Variants in NELL1 observed in about 807,000 individuals in gnomAD.
NELL1 encodes the protein neural EGFL like 1.
In NELL1, 76 loss-of-function variants were observed where a neutral mutation model predicts 107.4. That is an observed-to-expected ratio of 0.71 (90% CI 0.59 to 0.86). The LOEUF is 0.86. NELL1 is among the 40% of genes least tolerant of loss of function. The probability of loss-of-function intolerance (pLI) is 0.00; values close to 1 mark genes in which losing one functional copy is unlikely to be tolerated. For missense variants in NELL1, 1,024 were observed against 1,005.5 expected (o/e 1.02, Z -0.25); for synonymous variants, 353 against 341.2 (o/e 1.03, Z -0.38).
At chr11:21,572,545 A>C (rs1346256458) in intron 18 of NELL1, among the ~76,000 whole-genome samples, 3 of 142,038 alleles carry the variant, frequency 2.1e-5, no homozygotes, top group Non-Finnish European at 4.4e-5. Flanking sequence ...ATGCATAGTG[A>C]AATAGTTTTA....
At chr11:21,428,445 T>C (rs142985785) in intron 15 of NELL1, among the ~76,000 whole-genome samples, 1 of 152,218 alleles carries the variant, frequency 6.6e-6, no homozygotes. Context: ...ATTGTTACTT[T>C]TATTTGAGTA....
rs180863184 is a variant in NELL1, at chr11:20,711,189, C to T, written c.184+33129C>T. Among the ~76,000 whole-genome samples, 21 of 152,200 alleles carry T rather than the reference C, an allele frequency of 1.4e-4. No individual in the cohort carries two copies. In the East Asian group the frequency reaches 3.9e-3, roughly 28 times the overall value. ...GCTATGAACTTTCCTCCTAGAACCA[C>T]TTTTGCTGTATCCCAGAGGTTTTGA... On this transcript the variant is annotated intron_variant, in intron 2 of 19. Transcript: ENST00000357134.
Position 21,371,676 on chromosome 11 carries a change from T to C in NELL1, c.1645+728T>C, listed in dbSNP as rs567727241. 2.8e-4 allele frequency among the ~76,000 whole-genome samples: 42 copies of C among 152,228 alleles called. No individual in the cohort carries two copies. In the South Asian group the frequency reaches 4.8e-3, roughly 17 times the overall value. On this transcript the variant is annotated intron_variant, in intron 15 of 19. Coordinates refer to ENST00000357134, the MANE Select transcript of NELL1 (RefSeq NM_006157.5). ...GTGAATATTTCAGTTTGTTCTTCCA[T>C]GTGTTTTGTTAGGGTAAAATCACTG...
At chr11:21,275,518 G>A in intron 14 of NELL1, among the ~76,000 whole-genome samples, 1 of 152,114 alleles carries the variant, frequency 6.6e-6, no homozygotes. Context: ...CCAATCAATA[G>A]AAAAAGAGGG....
rs1174440504 is a variant in NELL1, at chr11:21,534,501, G to A, written c.1773G>A (p.Gly591=). ...FHDDGTYSLS[G]ESCIDIDECA... ...ACGATGGGACCTATTCACTGTCCGG[G>A]GAGTCCTGTATTGGTAAGCAGCTTT... The change falls in exon 16 of 20, where the codon GGG becomes GGA. Residue 591 remains glycine, a synonymous_variant. Coordinates refer to ENST00000357134, the MANE Select transcript of NELL1 (RefSeq NM_006157.5). The A allele has an allele frequency of 1.2e-6, 2 of 1,613,736 alleles. No individual in the cohort carries two copies. The highest frequency in any genetic ancestry group is 1.7e-6 in the Non-Finnish European group (2 of 1,179,782).
chr11:21,082,360 T>C (rs1034079086), intron 12 of NELL1, among the ~76,000 whole-genome samples: 10 of 152,214 alleles, frequency 6.6e-5, no homozygotes, highest in African/African-American at 1.9e-4. Flanking sequence ...GGAAATAGCA[T>C]ATTTACATAC....
chr11:21,500,022 T>C (rs1855094867), intron 15 of NELL1, among the ~76,000 whole-genome samples: 1 of 152,122 alleles, frequency 6.6e-6, no homozygotes, highest in Admixed American at 6.6e-5. Flanking sequence ...AAAGAGGCAG[T>C]AAAAAGGATA....
At chr11:21,428,129 T>C (rs758040392) in intron 15 of NELL1, among the ~76,000 whole-genome samples, 63 of 152,262 alleles carry the variant, frequency 4.1e-4, no homozygotes, top group Middle Eastern at 3.4e-3. Flanking sequence ...GGAATGTCAA[T>C]CAGCTGGCTG....
At chr11:21,093,988 A>G (rs1297797357) in intron 12 of NELL1, among the ~76,000 whole-genome samples, 2 of 152,232 alleles carry the variant, frequency 1.3e-5, no homozygotes, top group Non-Finnish European at 2.9e-5. Context: ...GTCTTAACTC[A>G]TTTTAGCATT....
chr11:21,234,171 T>C (rs1176079776), intron 14 of NELL1, among the ~76,000 whole-genome samples: 6 of 152,234 alleles, frequency 3.9e-5, no homozygotes, highest in African/African-American at 7.2e-5. Flanking sequence ...AAACTGGCTA[T>C]GTAACTTGCA....
intron 16 of NELL1, among the ~76,000 whole-genome samples, chr11:21,538,510 CTCTT>C (rs752726710): frequency 1.5e-4 from 23 of 152,184 alleles, no homozygotes; most frequent in Admixed American, 7.9e-4. Flanking sequence ...CTCTGTCTCT[CTCTT>C]TGTCTGTCTC....
At chr11:20,857,819 C>T (rs1016272294) in intron 4 of NELL1, among the ~76,000 whole-genome samples, 6 of 152,160 alleles carry the variant, frequency 3.9e-5, no homozygotes, top group African/African-American at 1.4e-4. Context: ...TCCATTTAAA[C>T]GTGATGTGCA....
At chr11:21,495,053 T>A (rs1854941177) in intron 15 of NELL1, among the ~76,000 whole-genome samples, 1 of 152,040 alleles carries the variant, frequency 6.6e-6, no homozygotes, top group East Asian at 1.9e-4. Flanking sequence ...GTAAAACATA[T>A]GAGTAAATCA....
chr11:21,045,139 A>G (rs1448044848), intron 12 of NELL1, among the ~76,000 whole-genome samples: 1 of 152,190 alleles, frequency 6.6e-6, no homozygotes, highest in Non-Finnish European at 1.5e-5. Flanking sequence ...GAAAGTAAAT[A>G]GATTAACGGA....
At chr11:20,976,987 G>A (rs913952720) in intron 12 of NELL1, among the ~76,000 whole-genome samples, 4 of 151,674 alleles carry the variant, frequency 2.6e-5, no homozygotes, top group African/African-American at 9.7e-5. Flanking sequence ...AGAAGAGAAT[G>A]GTTCGTCATT....
intron 12 of NELL1, among the ~76,000 whole-genome samples, chr11:21,106,019 T>A (rs531966460): frequency 1.4e-5 from 2 of 146,672 alleles, no homozygotes; most frequent in African/African-American, 5.0e-5. Flanking sequence ...GGCTCACTAA[T>A]GCTCCTTGTG....
chr11:21,147,836 CAAAAAAAAAAAAAA>C (rs35688285), intron 13 of NELL1, among the ~76,000 whole-genome samples: 4 of 28,804 alleles, frequency 1.4e-4, no homozygotes, highest in Non-Finnish European at 1.8e-4. Flanking sequence ...AACTCCGTCT[CAAAAAAAAAAAAAA>C]AAAAAAAAAA....
chr11:21,379,041 T>C (rs1851550463), intron 15 of NELL1, among the ~76,000 whole-genome samples: 1 of 152,032 alleles, frequency 6.6e-6, no homozygotes, highest in Non-Finnish European at 1.5e-5. Flanking sequence ...CTTTCTGTAT[T>C]ACAAAGCCAC....
chr11:21,183,312 G>A (rs1341933943), intron 13 of NELL1, among the ~76,000 whole-genome samples: 1 of 151,936 alleles, frequency 6.6e-6, no homozygotes, highest in Non-Finnish European at 1.5e-5. Flanking sequence ...CATAGGAGGT[G>A]CATAATAAAT....
Sources: allele counts gnomAD v4.1 joint callset (sites outside exome capture counted in the v4.1 genomes callset), GRCh38; gene constraint gnomAD v4.1.1; transcripts MANE v1.5; gene names NCBI Gene and HGNC (gene_info 2026-07-23, HGNC 2026-07-21).